Variants in FOXJ3 observed in about 807,000 individuals in gnomAD.
FOXJ3 encodes the protein forkhead box J3.
Under a neutral mutation model 76.1 loss-of-function variants are expected in FOXJ3, and 22 were observed. The ratio of observed to expected loss-of-function variants is 0.29; its 90% CI spans 0.21 to 0.41. The LOEUF (loss-of-function observed/expected upper bound fraction) is 0.41. FOXJ3 is among the 10% of genes least tolerant of loss of function. FOXJ3 has a pLI of 1.00. For missense variants in FOXJ3, 613 were observed against 762.1 expected, an observed-to-expected ratio of 0.80 and a Z score of 2.30; for synonymous variants, 269 against 261.2, an observed-to-expected ratio of 1.03 and a Z score of -0.29.
intron 4 of FOXJ3, among the ~76,000 whole-genome samples, chr1:42,232,760 T>C (rs1648263603): frequency 6.6e-6 from 1 of 152,226 alleles, no homozygotes; most frequent in African/African-American, 2.4e-5. Flanking sequence ...TTCACTCTGA[T>C]GGTAGTTTCT....
intron 4 of FOXJ3, among the ~76,000 whole-genome samples, chr1:42,250,717 A>C (rs920108249): frequency 1.3e-5 from 2 of 148,728 alleles, no homozygotes; most frequent in African/African-American, 5.0e-5. Context: ...TCAGGAGGCT[A>C]TCTGGGAGGC....
chr1:42,215,502 T>C (rs1159657956), intron 5 of FOXJ3, among the ~76,000 whole-genome samples: 1 of 152,140 alleles, frequency 6.6e-6, no homozygotes, highest in Non-Finnish European at 1.5e-5. Context: ...AATGTATATC[T>C]GTGATTTCTG....
chr1:42,183,957 G>C (rs1339805663), intron 11 of FOXJ3, among the ~76,000 whole-genome samples: 1 of 152,108 alleles, frequency 6.6e-6, no homozygotes, highest in African/African-American at 2.4e-5. Flanking sequence ...TTTTATCAGT[G>C]AAGTTTATAG....
chr1:42,243,820 G>A (rs1649334656), intron 4 of FOXJ3, among the ~76,000 whole-genome samples: 1 of 152,098 alleles, frequency 6.6e-6, no homozygotes, highest in African/African-American at 2.4e-5. Flanking sequence ...TAGAACAAAA[G>A]GACCTAAAAA....
At chr1:42,260,863 C>G (rs1650979162) in intron 4 of FOXJ3, among the ~76,000 whole-genome samples, 2 of 152,112 alleles carry the variant, frequency 1.3e-5, no homozygotes, top group Admixed American at 1.3e-4. Context: ...TATGAATTAA[C>G]TGTAGTTATT....
chr1:42,277,931 C>T (rs918561741), intron 3 of FOXJ3, among the ~76,000 whole-genome samples: 3 of 148,226 alleles, frequency 2.0e-5, no homozygotes, highest in Non-Finnish European at 4.4e-5. Context: ...GAGCCAAGAT[C>T]GCGCCACTGC....
intron 4 of FOXJ3, among the ~76,000 whole-genome samples, chr1:42,230,397 G>T (rs1001197375): frequency 1.3e-5 from 2 of 152,088 alleles, no homozygotes; most frequent in Non-Finnish European, 2.9e-5. Flanking sequence ...GAAATCAGAA[G>T]TCTTTTGGAT....
At chr1:42,185,391 G>A (rs1003177332) in intron 11 of FOXJ3, among the ~76,000 whole-genome samples, 1 of 151,150 alleles carries the variant, frequency 6.6e-6, no homozygotes, top group Non-Finnish European at 1.5e-5. Flanking sequence ...CTGAGTAGCC[G>A]GGACTACAGG....
At chr1:42,226,055 A>C (rs1233928470) in intron 5 of FOXJ3, among the ~76,000 whole-genome samples, 1 of 152,240 alleles carries the variant, frequency 6.6e-6, no homozygotes, top group African/African-American at 2.4e-5. Context: ...AATCTTTTCC[A>C]AATTGTTTAA....
At chr1:42,288,779 C>G in intron 2 of FOXJ3, among the ~76,000 whole-genome samples, 3 of 151,928 alleles carry the variant, frequency 2.0e-5, no homozygotes, top group Middle Eastern at 6.8e-3. Context: ...AGATTTAATG[C>G]AGAGAGAGAT....
intron 5 of FOXJ3, among the ~76,000 whole-genome samples, chr1:42,215,371 G>A (rs1351663582): frequency 6.6e-6 from 1 of 151,906 alleles, no homozygotes; most frequent in African/African-American, 2.4e-5. Context: ...TATTGAAATG[G>A]AAATGAATAA....
At chr1:42,234,561 C>T (rs139827007) in intron 4 of FOXJ3, among the ~76,000 whole-genome samples, 3,349 of 152,152 alleles carry the variant, frequency 0.022, 121 homozygotes, top group African/African-American at 0.077. Context: ...ATGATGGTGA[C>T]GTACAGATGG....
Position 42,191,512 on chromosome 1 carries a change from G to A in FOXJ3, c.1142C>T (p.Pro381Leu). 1 of 1,614,056 alleles carries A rather than the reference G, an allele frequency of 6.2e-7. No individual in the cohort carries two copies. The highest frequency in any genetic ancestry group is 1.1e-5 in the South Asian group (1 of 91,074). ...SHPQMHTQPS[P>L]HPPHRPHGLP... ...ACCATGCGGTCGATGGGGAGGATGT[G>A]GAGATGGCTGTGTGTGCATCTGGGG... Residue 381 changes from proline (P) to leucine (L), a missense_variant, in exon 9 of 13, where the codon CCA (proline) becomes CTA (leucine). Pro to Leu is a moderately conservative substitution (Grantham distance 98). Around this residue, in one of 3 missense-constraint regions of FOXJ3, gnomAD observed 526 missense variants for 601.4 expected, o/e 0.87. Transcript: ENST00000361346.
chr1:42,333,197 T>C (rs1473255949), intron 1 of FOXJ3, among the ~76,000 whole-genome samples: 1 of 152,050 alleles, frequency 6.6e-6, no homozygotes, highest in African/African-American at 2.4e-5. Context: ...TATTTAAATA[T>C]TTTCATTCTA....
intron 4 of FOXJ3, among the ~76,000 whole-genome samples, chr1:42,229,323 T>G (rs767805601): frequency 1.3e-5 from 2 of 152,186 alleles, no homozygotes; most frequent in Non-Finnish European, 2.9e-5. Context: ...TCCTTATGGA[T>G]AGGGACTATT....
At chr1:42,194,529 G>A (rs1001222763) in intron 8 of FOXJ3, among the ~76,000 whole-genome samples, 1 of 152,160 alleles carries the variant, frequency 6.6e-6, no homozygotes, top group South Asian at 2.1e-4. Flanking sequence ...CAAAAGCAAG[G>A]CACATCTATT....
At chr1:42,249,597 G>A (rs1649851311) in intron 4 of FOXJ3, among the ~76,000 whole-genome samples, 1 of 152,172 alleles carries the variant, frequency 6.6e-6, no homozygotes, top group Non-Finnish European at 1.5e-5. Flanking sequence ...AATTTGAAAA[G>A]TTTCTTTTGA....
chr1:42,327,289 C>A (rs1655894638), intron 1 of FOXJ3, among the ~76,000 whole-genome samples: 1 of 152,098 alleles, frequency 6.6e-6, no homozygotes, highest in African/African-American at 2.4e-5. Context: ...CTCACAGACC[C>A]AACTATCCTA....
chr1:42,299,802 G>A (rs1255001698), intron 2 of FOXJ3, among the ~76,000 whole-genome samples: 1 of 152,016 alleles, frequency 6.6e-6, no homozygotes, highest in East Asian at 1.9e-4. Flanking sequence ...CAGCTACTTG[G>A]GAAGCTGAGG....
Sources: allele counts gnomAD v4.1 joint callset (sites outside exome capture counted in the v4.1 genomes callset), GRCh38; gene constraint gnomAD v4.1.1; regional missense constraint gnomAD v4.1.1; transcripts MANE v1.5; gene names NCBI Gene and HGNC (gene_info 2026-07-23, HGNC 2026-07-21).